AEN: variants seen among roughly 807,000 people sequenced by gnomAD.
AEN encodes the protein apoptosis enhancing nuclease, also known as apoptosis-enhancing nuclease.
AEN carries 21 observed loss-of-function variants against 17.7 expected under a neutral mutation model. The observed-to-expected ratio is 1.19, with a 90% CI of 0.84 to 1.71. AEN has a LOEUF of 1.71. Among genes scored for constraint, AEN ranks in the 40% most tolerant of loss-of-function variants. AEN has a pLI of 0.00. For synonymous variants in AEN, 190 were observed against 173.0 expected (o/e 1.10, Z -0.77); for missense variants, 462 against 435.9 (o/e 1.06, Z -0.53).
chr15:88,613,491 G>A, the AEN span, among the ~76,000 whole-genome samples: 35,227 of 151,904 alleles, frequency 0.23, 4,615 homozygotes, highest in Non-Finnish European at 0.29. Flanking sequence ...AACAGGAGAG[G>A]AGGGGAGTTG....
upstream of AEN, among the ~76,000 whole-genome samples, chr15:88,619,804 G>A (rs1418490435): frequency 6.6e-6 from 1 of 151,950 alleles, no homozygotes; most frequent in Non-Finnish European, 1.5e-5. Context: ...TCTGATCAAC[G>A]CTGCCTCCTA....
At chr15:88,607,298 C>A in the AEN span, among the ~76,000 whole-genome samples, 2 of 152,230 alleles carry the variant, frequency 1.3e-5, no homozygotes, top group African/African-American at 4.8e-5. Context: ...AGCTTCTAAT[C>A]CTCTGAGTTT....
the AEN span, among the ~76,000 whole-genome samples, chr15:88,606,754 G>A: frequency 1.3e-5 from 2 of 152,342 alleles, no homozygotes; most frequent in Admixed American, 6.5e-5. Flanking sequence ...CCTGGAAGAT[G>A]TTTGTTTTTT....
At chr15:88,615,003 A>G in the AEN span, among the ~76,000 whole-genome samples, 5 of 152,114 alleles carry the variant, frequency 3.3e-5, no homozygotes, top group Non-Finnish European at 5.9e-5. Flanking sequence ...AGCTGGGACT[A>G]CAGGCGCCCG....
At chr15:88,628,999 T>C (rs2057890061) in intron 2 of AEN, 2 of 533,182 alleles carry the variant, frequency 3.8e-6, no homozygotes, top group Admixed American at 6.9e-5. Flanking sequence ...GTGTTTCCCT[T>C]TGACAGGTGC....
intron 1 of AEN, among the ~76,000 whole-genome samples, chr15:88,625,533 A>G (rs1032233927): frequency 6.6e-6 from 1 of 152,158 alleles, no homozygotes; most frequent in African/African-American, 2.4e-5. Context: ...AAATAAATAA[A>G]TTACAGTTGG....
the AEN span, among the ~76,000 whole-genome samples, chr15:88,610,536 C>T: frequency 6.6e-6 from 1 of 152,058 alleles, no homozygotes; most frequent in Non-Finnish European, 1.5e-5. Flanking sequence ...AGACCCATGG[C>T]AGAGATGTGC....
chr15:88,626,569 G>A lies in AEN; in HGVS notation c.360G>A (p.Thr120=), dbSNP rs374545257. Residue 120 remains threonine, a synonymous_variant, in exon 2 of 4, where the codon ACG becomes ACA. Transcript: ENST00000332810. ...CTATCGACTGTGAGATGGTGGGCAC[G>A]GGACCCCGAGGGCGGGTAAGCGAGC... is the stretch of plus-strand genomic sequence containing the variant. ...CVAIDCEMVG[T]GPRGRVSELA... The A allele has an allele frequency of 6.1e-5, 99 of 1,614,056 alleles. No individual in the cohort carries two copies. Among genetic ancestry groups the A allele is most frequent in the Non-Finnish European group, 7.8e-5 (92 of 1,180,054 alleles).
At chr15:88,622,054 C>T (rs2057794436) in intron 1 of AEN, among the ~76,000 whole-genome samples, 1 of 152,064 alleles carries the variant, frequency 6.6e-6, no homozygotes. Context: ...CTACTTAGTG[C>T]CAGAGGAGGG....
rs759169829 is a variant in AEN, at chr15:88,630,363, G to A, written c.*69G>A. ...AGGAAGTGGGGGCCAGGAGAGCAGC[G>A]GGCACTCCTTCCTGGGCAGGGTGGG... On this transcript the variant is annotated 3_prime_UTR_variant, in exon 4 of 4. Coordinates refer to ENST00000332810, the MANE Select transcript of AEN (RefSeq NM_022767.4). This position sits in a 1 kb window ranked among gnomAD's most constrained non-coding sequence, Gnocchi z 5.1. 9.8e-5 allele frequency: 140 copies of A among 1,432,272 alleles called. 2 individuals are homozygous for A. In the South Asian group the frequency reaches 1.6e-3, roughly 16 times the overall value. The allele number at this position is 1,432,272 out of a possible 1,614,324, so 88.7% of individuals were successfully genotyped here.
Position 88,630,477 on chromosome 15 carries a change from T to C in AEN, c.*183T>C. Reference sequence around the variant, plus strand: ...TCTGCACACAGCATAGCCCTCTCTCTCTCCAGGGCTGTTGGTTCTTTCTTC... The same window carrying C: ...TCTGCACACAGCATAGCCCTCTCTCCCTCCAGGGCTGTTGGTTCTTTCTTC... On this transcript the variant is annotated 3_prime_UTR_variant, in exon 4 of 4. Coordinates refer to ENST00000332810, the MANE Select transcript of AEN (RefSeq NM_022767.4). This position sits in a 1 kb window ranked among gnomAD's most constrained non-coding sequence, Gnocchi z 5.1. 1.7e-6 allele frequency: 1 copy of C among 604,880 alleles called. No homozygotes were observed. Among genetic ancestry groups the C allele is most frequent in the South Asian group, 2.0e-5 (1 of 49,416 alleles). 37.5% of individuals were successfully genotyped at this position (604,880 alleles called of 1,614,324 possible).
At chr15:88,629,506 G>C (rs1462135181) in intron 3 of AEN, 80 bp downstream of exon 3, 1 of 1,511,284 alleles carries the variant, frequency 6.6e-7, no homozygotes, top group African/African-American at 1.4e-5. Flanking sequence ...AAGGCTTTGG[G>C]CTGTGTCTCC....
At chr15:88,606,182 C>G in the AEN span, among the ~76,000 whole-genome samples, 2 of 152,164 alleles carry the variant, frequency 1.3e-5, no homozygotes, top group African/African-American at 2.4e-5. Flanking sequence ...AAAATCGCCA[C>G]ATTTAAATCC....
upstream of AEN, among the ~76,000 whole-genome samples, chr15:88,619,130 C>G (rs1400917223): frequency 1.3e-5 from 2 of 152,174 alleles, no homozygotes; most frequent in African/African-American, 4.8e-5. Flanking sequence ...AATGAGAAAC[C>G]ACCTGACTTG....
At position 88,630,819 on chromosome 15, in the gene AEN, C is replaced by T. The variant is rs568067246; in HGVS notation, c.*525C>T. The T allele has an allele frequency of 3.0e-4, 70 of 236,736 alleles. No individual in the cohort carries two copies. The highest frequency in any genetic ancestry group is 4.9e-4 in the Non-Finnish European group (56 of 113,306). The allele number at this position is 236,736 out of a possible 1,614,324, so 14.7% of individuals were successfully genotyped here. A position where few individuals can be genotyped will look rare whatever the true frequency, so the allele number is the denominator to read the frequency against. ...CATTTGGGTTCAGAATAAACATGTC[C>T]TGAAGTTAAAGAGGAGTTAAGTCCT... On this transcript the variant is annotated 3_prime_UTR_variant, in exon 4 of 4. Transcript: ENST00000332810. This position sits in a 1 kb window ranked among gnomAD's most constrained non-coding sequence, Gnocchi z 5.1.
the AEN span, among the ~76,000 whole-genome samples, chr15:88,613,907 C>T: frequency 9.9e-5 from 15 of 152,136 alleles, no homozygotes; most frequent in Admixed American, 6.5e-5. Context: ...TCATGGTTGT[C>T]CTCTTCACCA....
At position 88,631,151 on chromosome 15, in the gene AEN, G is replaced by C; in HGVS notation, c.*857G>C. 1 of 456,724 alleles carries C rather than the reference G, an allele frequency of 2.2e-6. No homozygotes were observed. Among genetic ancestry groups the C allele is most frequent in the Non-Finnish European group, 4.4e-6 (1 of 226,976 alleles). 28.3% of individuals were successfully genotyped at this position (456,724 alleles called of 1,614,324 possible). The stretch of plus-strand genomic sequence containing the variant: ...CAAAAGTCTGAGAAACAAGACAGTG[G>C]TTTGAATTCTGGGGCCTTTGTGTAG... On this transcript the variant is annotated 3_prime_UTR_variant, in exon 4 of 4. Transcript: ENST00000332810.
At chr15:88,607,097 G>C in the AEN span, among the ~76,000 whole-genome samples, 4 of 152,210 alleles carry the variant, frequency 2.6e-5, no homozygotes, top group Non-Finnish European at 5.9e-5. Context: ...CCCCTCAGGG[G>C]AGAGAGGGCT....
chr15:88,619,661 C>A (rs909375072), upstream of AEN, among the ~76,000 whole-genome samples: 1 of 152,146 alleles, frequency 6.6e-6, no homozygotes, highest in African/African-American at 2.4e-5. Context: ...GCATTCCAGC[C>A]TGGGTGACAG....
Sources: gnomAD v4.1 joint callset for allele counts (sites outside exome capture counted in the v4.1 genomes callset) on GRCh38, gnomAD v4.1.1 for gene constraint, Gnocchi (gnomAD v3.1) non-coding constraint, MANE v1.5 for transcripts, NCBI Gene and HGNC (gene_info 2026-07-23, HGNC 2026-07-21) for gene names.